RASAL2: variants seen among roughly 807,000 people sequenced by gnomAD.
RASAL2 encodes the protein RAS protein activator like 2, also known as ras GTPase-activating protein nGAP.
In RASAL2, 58 loss-of-function variants were observed where a neutral mutation model predicts 128.9. That is an observed-to-expected ratio of 0.45 (90% CI 0.36 to 0.56). RASAL2 has a LOEUF of 0.56. RASAL2 is among the 20% of genes least tolerant of loss of function. The pLI is 0.00. For synonymous variants in RASAL2, 561 were observed against 580.8 expected (o/e 0.97, Z 0.49); for missense variants, 1,360 against 1,601.6 (o/e 0.85, Z 2.57).
intron 1 of RASAL2, among the ~76,000 whole-genome samples, chr1:178,255,039 A>G (rs893899532): frequency 6.6e-6 from 1 of 152,140 alleles, no homozygotes; most frequent in African/African-American, 2.4e-5. Flanking sequence ...TCCGGAAAAA[A>G]TCCAAAAAAA....
chr1:178,321,924 GT>G (rs1483871019), intron 3 of RASAL2, among the ~76,000 whole-genome samples: 1 of 151,430 alleles, frequency 6.6e-6, no homozygotes, highest in East Asian at 1.9e-4. Context: ...GAAGGTGGAG[GT>G]TTTGGTGAGC....
intron 1 of RASAL2, among the ~76,000 whole-genome samples, chr1:178,111,254 C>T (rs1571488117): frequency 6.6e-6 from 1 of 152,060 alleles, no homozygotes; most frequent in African/African-American, 2.4e-5. Context: ...CTAGTCTTTG[C>T]GCACACCACC....
At chr1:178,467,020 A>T (rs148705057) in intron 16 of RASAL2, among the ~76,000 whole-genome samples, 210 of 152,294 alleles carry the variant, frequency 1.4e-3, no homozygotes, top group African/African-American at 4.3e-3. Context: ...TGAGATTAAG[A>T]GAGGGTTGTT....
chr1:178,404,843 A>G (rs1216967714), intron 4 of RASAL2, among the ~76,000 whole-genome samples: 2 of 150,954 alleles, frequency 1.3e-5, no homozygotes, highest in African/African-American at 4.9e-5. Context: ...CACCACACCC[A>G]GCTAATTTCT....
At chr1:178,256,712 C>T (rs563111179) in intron 1 of RASAL2, among the ~76,000 whole-genome samples, 15 of 152,278 alleles carry the variant, frequency 9.9e-5, no homozygotes, top group African/African-American at 2.6e-4. Flanking sequence ...CTTGCTCTGT[C>T]GCCCAGGCTG....
intron 3 of RASAL2, among the ~76,000 whole-genome samples, chr1:178,314,581 T>A (rs1274037468): frequency 6.6e-6 from 1 of 150,600 alleles, no homozygotes; most frequent in Non-Finnish European, 1.5e-5. Flanking sequence ...AAGATTTTCT[T>A]TATCTCTTTT....
At chr1:178,404,349 T>C (rs1673847754) in intron 4 of RASAL2, among the ~76,000 whole-genome samples, 1 of 151,202 alleles carries the variant, frequency 6.6e-6, no homozygotes, top group African/African-American at 2.5e-5. Flanking sequence ...AATGTTCAAA[T>C]TCACTTATAA....
intron 1 of RASAL2, among the ~76,000 whole-genome samples, chr1:178,150,568 T>A (rs1660877725): frequency 6.6e-6 from 1 of 152,212 alleles, no homozygotes; most frequent in Non-Finnish European, 1.5e-5. Context: ...GTTACATTGA[T>A]GTGGACTTTA....
chr1:178,325,982 T>C (rs1008328082), intron 3 of RASAL2, among the ~76,000 whole-genome samples: 9 of 152,116 alleles, frequency 5.9e-5, no homozygotes, highest in Non-Finnish European at 1.5e-5. Context: ...TCCCAGCTAC[T>C]TGGGAGGCAG....
At chr1:178,456,122 T>C (rs1299136705) in intron 12 of RASAL2, among the ~76,000 whole-genome samples, 1 of 152,236 alleles carries the variant, frequency 6.6e-6, no homozygotes, top group African/African-American at 2.4e-5. Flanking sequence ...ATTGTCTTAC[T>C]GATGGAAACT....
At chr1:178,361,159 C>T (rs1671084388) in intron 3 of RASAL2, among the ~76,000 whole-genome samples, 1 of 152,244 alleles carries the variant, frequency 6.6e-6, no homozygotes, top group Non-Finnish European at 1.5e-5. Flanking sequence ...CATTTAAACT[C>T]ATTTAAGATC....
At chr1:178,134,735 C>T (rs1336794171) in intron 1 of RASAL2, among the ~76,000 whole-genome samples, 3 of 152,168 alleles carry the variant, frequency 2.0e-5, no homozygotes, top group South Asian at 4.1e-4. Flanking sequence ...GATCAACATT[C>T]TGAAGGATTT....
At chr1:178,374,649 A>G (rs1365621303) in intron 3 of RASAL2, among the ~76,000 whole-genome samples, 1 of 152,102 alleles carries the variant, frequency 6.6e-6, no homozygotes, top group Non-Finnish European at 1.5e-5. Flanking sequence ...AATTTAAAAC[A>G]CCTTACTGTG....
chr1:178,237,987 GTTTAT>G (rs1401526362), intron 1 of RASAL2, among the ~76,000 whole-genome samples: 1 of 152,156 alleles, frequency 6.6e-6, no homozygotes, highest in Non-Finnish European at 1.5e-5. Context: ...CTTTTGTACA[GTTTAT>G]TTTTAGTATT....
rs375685693 is a variant in RASAL2, at chr1:178,112,516, C to T, written c.202+17822C>T. ...AGTGAGCCAGGATCGCGACACTGCA[C>T]TCCCGCCTGGGTGACAGAGCGAGAC... is the stretch of plus-strand genomic sequence containing the variant. On this transcript the variant is annotated intron_variant, in intron 1 of 17. Transcript: ENST00000367649. Among the ~76,000 whole-genome samples, 10 of 151,974 alleles carry T rather than the reference C, an allele frequency of 6.6e-5. No individual in the cohort carries two copies. The East Asian group carries it at 1.4e-3, about 21-fold the overall frequency.
At chr1:178,365,806 T>C (rs12741848) in intron 3 of RASAL2, among the ~76,000 whole-genome samples, 34,114 of 152,092 alleles carry the variant, frequency 0.22, 6,676 homozygotes, top group African/African-American at 0.53. Context: ...ATTCTTGCTT[T>C]CAGTCCTTTA....
At chr1:178,328,665 A>G (rs1669150513) in intron 3 of RASAL2, among the ~76,000 whole-genome samples, 1 of 152,198 alleles carries the variant, frequency 6.6e-6, no homozygotes, top group Non-Finnish European at 1.5e-5. Context: ...CTGGATATAT[A>G]TTATCTCATT....
chr1:178,111,249 C>G (rs1204301196), intron 1 of RASAL2, among the ~76,000 whole-genome samples: 1 of 152,012 alleles, frequency 6.6e-6, no homozygotes, highest in African/African-American at 2.4e-5. Flanking sequence ...GTGTACTAGT[C>G]TTTGCGCACA....
intron 1 of RASAL2, among the ~76,000 whole-genome samples, chr1:178,128,533 CTT>C (rs1659983639): frequency 6.6e-6 from 1 of 151,990 alleles, no homozygotes; most frequent in South Asian, 2.1e-4. Context: ...TGTTAAGTAA[CTT>C]TATTGAGGTG....
Sources: allele counts gnomAD v4.1 joint callset (sites outside exome capture counted in the v4.1 genomes callset), GRCh38; gene constraint gnomAD v4.1.1; transcripts MANE v1.5; gene names NCBI Gene and HGNC (gene_info 2026-07-23, HGNC 2026-07-21).